PCDH15: variants seen among roughly 807,000 people sequenced by gnomAD.
PCDH15 encodes the protein protocadherin related 15, also known as protocadherin-15.
PCDH15 carries 129 observed loss-of-function variants against 178.5 expected under a neutral mutation model. The observed-to-expected ratio is 0.72, with a 90% CI of 0.63 to 0.84. The LOEUF is 0.84. Among genes scored for constraint, PCDH15 ranks in the 40% least tolerant of loss-of-function variants. PCDH15 has a pLI of 0.00. For synonymous variants in PCDH15, 800 were observed against 732.0 expected (o/e 1.09, Z -1.50); for missense variants, 2,230 against 2,099.9 (o/e 1.06, Z -1.21).
intron 2 of PCDH15, among the ~76,000 whole-genome samples, chr10:55,454,366 C>A (rs1261548300): frequency 1.3e-5 from 2 of 151,820 alleles, no homozygotes; most frequent in Non-Finnish European, 2.9e-5. Context: ...AATTTCCCCC[C>A]AATTTAAAGG....
At chr10:54,474,425 G>A (rs1358877108) in intron 3 of PCDH15, among the ~76,000 whole-genome samples, 1 of 151,918 alleles carries the variant, frequency 6.6e-6, no homozygotes, top group Non-Finnish European at 1.5e-5. Flanking sequence ...GCTAAAGCCT[G>A]TAAATAAGCT....
At chr10:55,301,715 T>G (rs900042555) in intron 1 of PCDH15, among the ~76,000 whole-genome samples, 2 of 152,160 alleles carry the variant, frequency 1.3e-5, no homozygotes, top group East Asian at 3.8e-4. Flanking sequence ...ATTCTAAAAG[T>G]TTTATAATTT....
At chr10:54,708,050 A>G (rs149057842) in intron 1 of PCDH15, among the ~76,000 whole-genome samples, 1 of 152,322 alleles carries the variant, frequency 6.6e-6, no homozygotes, top group Non-Finnish European at 1.5e-5. Flanking sequence ...GAGAAAATAT[A>G]TGCAATTATA....
At chr10:54,249,442 T>C (rs1192028418) in intron 8 of PCDH15, among the ~76,000 whole-genome samples, 1 of 152,182 alleles carries the variant, frequency 6.6e-6, no homozygotes, top group Non-Finnish European at 1.5e-5. Context: ...TAAATTTCTT[T>C]GGTCACTAGC....
chr10:53,994,599 T>C (rs1159634332), intron 21 of PCDH15: 1 of 152,288 alleles, frequency 6.6e-6, no homozygotes, highest in Admixed American at 6.5e-5. Flanking sequence ...ACTATCTTTA[T>C]TGATGGGTTC....
chr10:55,040,340 C>T (rs539336134), intron 2 of PCDH15, among the ~76,000 whole-genome samples: 1 of 152,222 alleles, frequency 6.6e-6, no homozygotes, highest in East Asian at 1.9e-4. Context: ...GGGCACTCTC[C>T]TGGTTGTTCT....
intron 2 of PCDH15, among the ~76,000 whole-genome samples, chr10:55,125,279 T>G (rs376245636): frequency 6.6e-6 from 1 of 151,984 alleles, no homozygotes; most frequent in African/African-American, 2.4e-5. Flanking sequence ...TTACTGCATC[T>G]GAAGTTATTG....
In PCDH15 at chr10:53,894,452, G is replaced by T. The variant is rs534359901; in HGVS notation, c.3501+8791C>A. Among the ~76,000 whole-genome samples, 14 of 152,248 alleles carry T rather than the reference G, an allele frequency of 9.2e-5. No homozygotes were observed. The East Asian group carries it at 2.7e-3, about 29-fold the overall frequency. ...GACCTTGTGAAAACACCTCTCCCTT[G>T]AAACCATGAGAGAGTTTCCTCATAC... On this transcript the variant is annotated intron_variant, in intron 26 of 37. Transcript: ENST00000644397.
Position 54,173,892 on chromosome 10 carries a change from G to A in PCDH15, c.1590+9552C>T, listed in dbSNP as rs2047153269. Among the ~76,000 whole-genome samples, 2 of 152,132 alleles carry A rather than the reference G, an allele frequency of 1.3e-5. 1 individual carries two copies. The highest frequency in any genetic ancestry group is 4.1e-4 in the South Asian group (2 of 4,830). On this transcript the variant is annotated intron_variant, in intron 13 of 37. Transcript: ENST00000644397. ...GGTAACATTGAGAAGAGGAAATCAT[G>A]GAAGTCTTCTTTGAGGAAGCGGCAT...
At chr10:55,190,342 A>G (rs982176469) in intron 1 of PCDH15, among the ~76,000 whole-genome samples, 12 of 151,840 alleles carry the variant, frequency 7.9e-5, no homozygotes, top group South Asian at 6.2e-4. Flanking sequence ...CACATGCACA[A>G]TAATTTATCC....
chr10:54,045,725 C>T (rs1237264712), intron 18 of PCDH15, among the ~76,000 whole-genome samples: 3 of 152,028 alleles, frequency 2.0e-5, no homozygotes, highest in African/African-American at 4.8e-5. Context: ...AAACCTATTA[C>T]GAATAACAAG....
At chr10:55,228,887 C>T (rs549467542) in intron 1 of PCDH15, among the ~76,000 whole-genome samples, 7 of 151,820 alleles carry the variant, frequency 4.6e-5, no homozygotes, top group African/African-American at 9.7e-5. Context: ...CATCACAATA[C>T]CTTAATAATT....
chr10:55,571,358 T>C (rs1198125689), intron 2 of PCDH15, among the ~76,000 whole-genome samples: 1 of 152,118 alleles, frequency 6.6e-6, no homozygotes, highest in African/African-American at 2.4e-5. Flanking sequence ...GTCTCAGGTA[T>C]TCCTTACAGA....
At chr10:54,330,335 T>C (rs1939215071) in intron 6 of PCDH15, among the ~76,000 whole-genome samples, 1 of 151,882 alleles carries the variant, frequency 6.6e-6, no homozygotes, top group South Asian at 2.1e-4. Flanking sequence ...CTATGGCTCC[T>C]AGGCTACAAA....
intron 26 of PCDH15, among the ~76,000 whole-genome samples, chr10:53,882,520 C>T (rs1024009837): frequency 1.3e-5 from 2 of 152,184 alleles, no homozygotes; most frequent in Non-Finnish European, 2.9e-5. Context: ...CGCCACCACG[C>T]ATGGCTAATT....
At chr10:55,190,876 C>T (rs1176504202) in intron 1 of PCDH15, among the ~76,000 whole-genome samples, 2 of 151,526 alleles carry the variant, frequency 1.3e-5, no homozygotes, top group African/African-American at 4.8e-5. Flanking sequence ...AGAGTTGATC[C>T]ACTTTTAAAA....
At chr10:54,277,402 C>T (rs2058410785) in intron 8 of PCDH15, among the ~76,000 whole-genome samples, 1 of 151,410 alleles carries the variant, frequency 6.6e-6, no homozygotes, top group Non-Finnish European at 1.5e-5. Context: ...AGACTTTCAC[C>T]AGCAAAAATA....
intron 26 of PCDH15, among the ~76,000 whole-genome samples, chr10:53,887,918 A>G (rs2081214856): frequency 6.6e-6 from 1 of 151,986 alleles, no homozygotes. Context: ...ACAAAAAACA[A>G]AAAAACAAAA....
At chr10:54,311,484 G>A (rs2133503600) in intron 8 of PCDH15, among the ~76,000 whole-genome samples, 1 of 151,974 alleles carries the variant, frequency 6.6e-6, no homozygotes, top group African/African-American at 2.4e-5. Context: ...CATAATACCA[G>A]AAAACCTTAA....
Sources: allele counts gnomAD v4.1 joint callset (sites outside exome capture counted in the v4.1 genomes callset), GRCh38; gene constraint gnomAD v4.1.1; transcripts MANE v1.5; gene names NCBI Gene and HGNC (gene_info 2026-07-23, HGNC 2026-07-21).